Variants in CATSPERB observed in about 807,000 individuals in gnomAD.
CATSPERB encodes catsper channel auxiliary subunit beta.
CATSPERB carries 93 observed loss-of-function variants against 128.3 expected under a neutral mutation model. That is an observed-to-expected ratio of 0.72 (90% CI 0.61 to 0.86). The LOEUF is 0.86. CATSPERB is among the 40% of genes least tolerant of loss of function. The probability of loss-of-function intolerance (pLI) is 0.00; values close to 1 mark genes in which losing one functional copy is unlikely to be tolerated. For synonymous variants in CATSPERB, 381 were observed against 448.8 expected (o/e 0.85, Z 1.91); for missense variants, 1,153 against 1,329.5 (o/e 0.87, Z 2.06).
intron 7 of CATSPERB, among the ~76,000 whole-genome samples, chr14:91,698,092 C>T (rs908980025): frequency 6.6e-6 from 1 of 152,010 alleles, no homozygotes; most frequent in African/African-American, 2.4e-5. Flanking sequence ...AGATCTTTCA[C>T]CTCCTTGGTT....
At chr14:91,655,685 G>C (rs1352465736) in intron 15 of CATSPERB, among the ~76,000 whole-genome samples, 2 of 152,248 alleles carry the variant, frequency 1.3e-5, no homozygotes, top group South Asian at 2.1e-4. Context: ...AAGCATGCTT[G>C]TAAAATCTAG....
intron 2 of CATSPERB, among the ~76,000 whole-genome samples, chr14:91,727,147 A>G (rs539564633): frequency 6.6e-6 from 1 of 152,310 alleles, no homozygotes; most frequent in South Asian, 2.1e-4. Flanking sequence ...TTTTTGGCTC[A>G]AGGGGAATAT....
intron 7 of CATSPERB, among the ~76,000 whole-genome samples, chr14:91,702,928 G>A (rs1895675782): frequency 6.6e-6 from 1 of 151,006 alleles, no homozygotes; most frequent in Admixed American, 6.6e-5. Context: ...TTTTATTCCT[G>A]GGTACTTTTT....
chr14:91,581,737 G>C lies in CATSPERB; in HGVS notation c.3133-630C>G, dbSNP rs191288682. On this transcript the variant is annotated intron_variant, in intron 26 of 26. Transcript: ENST00000256343. ...GGGACAGTGATGTCTTTTTCTCTGAGATGTGAGGCAAGGGTGGGGTCATTG... is the reference window on the plus strand; with the variant it reads ...GGGACAGTGATGTCTTTTTCTCTGACATGTGAGGCAAGGGTGGGGTCATTG... Among the ~76,000 whole-genome samples the C allele has an allele frequency of 3.5e-4, 54 of 152,328 alleles. No individual in the cohort carries two copies. The East Asian group carries it at 6.2e-3, about 17-fold the overall frequency.
intron 10 of CATSPERB, 137 bp downstream of exon 10, chr14:91,691,384 AAT>A (rs1169002137): frequency 5.0e-6 from 2 of 397,992 alleles, no homozygotes; most frequent in Admixed American, 8.7e-5. Flanking sequence ...TATATAAAAA[AAT>A]ATATATTTTG....
chr14:91,697,394 G>C (rs962292869), intron 7 of CATSPERB, among the ~76,000 whole-genome samples: 3 of 152,156 alleles, frequency 2.0e-5, no homozygotes, highest in African/African-American at 7.2e-5. Flanking sequence ...TGAGATCAAA[G>C]AAATGTTGGA....
At chr14:91,596,371 T>G (rs1213821406) in intron 22 of CATSPERB, among the ~76,000 whole-genome samples, 1 of 151,876 alleles carries the variant, frequency 6.6e-6, no homozygotes, top group East Asian at 1.9e-4. Context: ...GCCCGGCTAA[T>G]TTTTTGTATT....
At chr14:91,644,579 C>A (rs1384794607) in intron 15 of CATSPERB, among the ~76,000 whole-genome samples, 2 of 97,692 alleles carry the variant, frequency 2.0e-5, no homozygotes, top group East Asian at 3.8e-4. Flanking sequence ...CTGAGAGATC[C>A]GCTGTTAGTC....
At chr14:91,587,321 C>T (rs1465703826) in intron 25 of CATSPERB, 45 bp from the exon 26 acceptor site, 5 of 1,429,072 alleles carry the variant, frequency 3.5e-6, no homozygotes, top group Non-Finnish European at 4.8e-6. Context: ...TCAACATGTA[C>T]ATTCCTTTAA....
chr14:91,651,531 A>T (rs1894704106), intron 15 of CATSPERB, among the ~76,000 whole-genome samples: 1 of 152,240 alleles, frequency 6.6e-6, no homozygotes, highest in Non-Finnish European at 1.5e-5. Context: ...TCCAAAACTG[A>T]TATAGTGTTT....
At chr14:91,637,632 T>C (rs1894400521) in intron 16 of CATSPERB, among the ~76,000 whole-genome samples, 2 of 152,084 alleles carry the variant, frequency 1.3e-5, no homozygotes, top group Non-Finnish European at 2.9e-5. Context: ...ATAAGTGAAA[T>C]AGGAATAAAT....
Position 91,638,089 on chromosome 14 carries a change from A to T in CATSPERB, c.1587+1007T>A, listed in dbSNP as rs536487728. ...CTCTCAACTGCAGCCTTGGCCTGGT[A>T]ATTGGAATGATCTTTTAAAACCAGA... On this transcript the variant is annotated intron_variant, in intron 16 of 26. Coordinates refer to ENST00000256343, the MANE Select transcript of CATSPERB (RefSeq NM_024764.4). Among the ~76,000 whole-genome samples the T allele has an allele frequency of 3.9e-5, 6 of 152,242 alleles. No homozygotes were observed. The East Asian group carries it at 1.2e-3, about 29-fold the overall frequency.
intron 15 of CATSPERB, among the ~76,000 whole-genome samples, chr14:91,653,141 G>A (rs552504858): frequency 3.9e-5 from 6 of 152,090 alleles, no homozygotes; most frequent in East Asian, 1.9e-4. Flanking sequence ...ATTTAAAATC[G>A]TATCAGAGAC....
At chr14:91,589,311 T>C (rs113225994) in intron 24 of CATSPERB, among the ~76,000 whole-genome samples, 129 of 152,334 alleles carry the variant, frequency 8.5e-4, no homozygotes, top group African/African-American at 3.0e-3. Flanking sequence ...CAGTGTAAAT[T>C]ATTCAAAAAT....
intron 12 of CATSPERB, 39 bp downstream of exon 12, chr14:91,674,137 A>C (rs1397806922): frequency 8.0e-7 from 1 of 1,249,210 alleles, no homozygotes; most frequent in Non-Finnish European, 1.1e-6. Flanking sequence ...CCAATCCCAC[A>C]ACAAAATTTC....
In CATSPERB at chr14:91,715,379, T is replaced by G. The variant is rs529133594; in HGVS notation, c.370+4039A>C. Among the ~76,000 whole-genome samples the G allele has an allele frequency of 7.0e-4, 106 of 151,782 alleles. 1 individual carries two copies. The highest frequency in any genetic ancestry group is 1.1e-3 in the Non-Finnish European group (78 of 67,912). On this transcript the variant is annotated intron_variant, in intron 5 of 26. Transcript: ENST00000256343. ...GACTTTGAGACCAGCCTGGCCAACA[T>G]GGCGAAACCCCGTCTCTACTAAAAA...
chr14:91,710,941 A>G (rs1433520552), intron 5 of CATSPERB, among the ~76,000 whole-genome samples: 1 of 152,166 alleles, frequency 6.6e-6, no homozygotes, highest in Non-Finnish European at 1.5e-5. Context: ...TGTAGAGTTG[A>G]GTGTCTACAG....
At chr14:91,701,022 T>C (rs1003173911) in intron 7 of CATSPERB, among the ~76,000 whole-genome samples, 2 of 151,700 alleles carry the variant, frequency 1.3e-5, no homozygotes, top group Non-Finnish European at 2.9e-5. Context: ...GCCATAGGAG[T>C]AAGATAGGGG....
In CATSPERB at chr14:91,581,030, TC is replaced by T. The variant is rs1566690989; in HGVS notation, c.3209del (p.Gly1070AspfsTer2). 6.2e-7 allele frequency: 1 copy of T among 1,614,128 alleles called. No individual in the cohort carries two copies. The highest frequency in any genetic ancestry group is 2.2e-5 in the East Asian group (1 of 44,880). ...IAVATAVVLG[G>X]LIFIAFMFQL... is the part of the protein sequence containing the mutation. The stretch of plus-strand genomic sequence containing the variant: ...GAAACATAAATGCTATAAAAATTAA[TC>T]CCCCTAGCACTACCGCTGTTGCCAC... On this transcript the variant is annotated frameshift_variant, in exon 27 of 27. Transcript: ENST00000256343. LOFTEE classifies it low-confidence loss of function (END_TRUNC).
Sources: gnomAD v4.1 joint callset for allele counts (sites outside exome capture counted in the v4.1 genomes callset) on GRCh38, gnomAD v4.1.1 for gene constraint, MANE v1.5 for transcripts, NCBI Gene and HGNC (gene_info 2026-07-23, HGNC 2026-07-21) for gene names.